RUNX1: variants seen among roughly 807,000 people sequenced by gnomAD.
RUNX1 encodes the protein RUNX family transcription factor 1.
In RUNX1, 19 loss-of-function variants were observed where a neutral mutation model predicts 42.8. The observed-to-expected ratio is 0.44, with a 90% CI of 0.31 to 0.65. RUNX1 has a LOEUF of 0.65. RUNX1 is among the 30% of genes least tolerant of loss of function. RUNX1 has a pLI of 0.07. For synonymous variants in RUNX1, 271 were observed against 289.4 expected, an observed-to-expected ratio of 0.94 and a Z score of 0.64; for missense variants, 528 against 672.0, an observed-to-expected ratio of 0.79 and a Z score of 2.37.
At chr21:34,981,593 G>A (rs999542163) in intron 2 of RUNX1, among the ~76,000 whole-genome samples, 1 of 152,150 alleles carries the variant, frequency 6.6e-6, no homozygotes, top group Non-Finnish European at 1.5e-5. Flanking sequence ...TATGGATTTA[G>A]TAATGACTAG....
chr21:34,903,737 C>T (rs899601911), intron 2 of RUNX1, among the ~76,000 whole-genome samples: 2 of 152,146 alleles, frequency 1.3e-5, no homozygotes, highest in African/African-American at 4.8e-5. Context: ...CATATTAATC[C>T]TGTTATCTTC....
At chr21:34,999,626 A>G (rs139794105) in intron 2 of RUNX1, among the ~76,000 whole-genome samples, 3 of 152,270 alleles carry the variant, frequency 2.0e-5, no homozygotes, top group East Asian at 1.9e-4. Context: ...CACACAATCT[A>G]GTGTTCGACA....
intron 6 of RUNX1, among the ~76,000 whole-genome samples, chr21:34,857,175 C>T (rs1352426178): frequency 1.3e-5 from 2 of 152,172 alleles, no homozygotes; most frequent in African/African-American, 2.4e-5. Flanking sequence ...TTTCCCCAGG[C>T]CCCAAATTCC....
chr21:34,805,711 A>G (rs191282512), intron 7 of RUNX1, among the ~76,000 whole-genome samples: 10 of 152,372 alleles, frequency 6.6e-5, no homozygotes, highest in African/African-American at 1.9e-4. Context: ...CCTATGAGAA[A>G]TGTCAAAAAG....
chr21:34,958,371 C>T (rs1222636609), intron 2 of RUNX1, among the ~76,000 whole-genome samples: 1 of 152,114 alleles, frequency 6.6e-6, no homozygotes, highest in Non-Finnish European at 1.5e-5. Context: ...CAAACAACCC[C>T]ATCAAAAAGT....
At chr21:34,908,972 A>T (rs2146515052) in intron 2 of RUNX1, among the ~76,000 whole-genome samples, 1 of 152,176 alleles carries the variant, frequency 6.6e-6, no homozygotes, top group Non-Finnish European at 1.5e-5. Context: ...TGTGTGTGCT[A>T]GGGGTAAGAT....
At chr21:34,863,550 CTTTTTTTT>C (rs34743281) in intron 5 of RUNX1, among the ~76,000 whole-genome samples, 26 of 109,136 alleles carry the variant, frequency 2.4e-4, no homozygotes, top group African/African-American at 9.1e-4. Flanking sequence ...TCATGCCCAT[CTTTTTTTT>C]TTTTTTTTTT....
At chr21:34,987,937 A>G (rs1176140481) in intron 2 of RUNX1, among the ~76,000 whole-genome samples, 1 of 152,236 alleles carries the variant, frequency 6.6e-6, no homozygotes, top group African/African-American at 2.4e-5. Flanking sequence ...GTGGCCTGAA[A>G]TCACGGAGAT....
In RUNX1 at chr21:34,790,502, T is replaced by G. The variant is rs888959042; in HGVS notation, c.*1633A>C. On this transcript the variant is annotated 3_prime_UTR_variant, in exon 9 of 9. Transcript: ENST00000675419. The stretch of plus-strand genomic sequence containing the variant: ...TATGAGTTGTACAACAACTGCATTC[T>G]GACCAAATCCTCCAATAAAAATAGT... 4 of 233,634 alleles carry G rather than the reference T, an allele frequency of 1.7e-5. No individual in the cohort carries two copies. Among genetic ancestry groups the G allele is most frequent in the African/African-American group, 8.8e-5 (4 of 45,370 alleles). The allele number at this position is 233,634 out of a possible 1,614,324, so 14.5% of individuals were successfully genotyped here. A position where few individuals can be genotyped will look rare whatever the true frequency, so the allele number is the denominator to read the frequency against.
At chr21:34,872,849 G>A (rs939792576) in intron 5 of RUNX1, among the ~76,000 whole-genome samples, 1 of 152,136 alleles carries the variant, frequency 6.6e-6, no homozygotes, top group Non-Finnish European at 1.5e-5. Flanking sequence ...AAAAATGTCT[G>A]CAGATATTGC....
At chr21:34,868,433 T>G (rs1209224410) in intron 5 of RUNX1, among the ~76,000 whole-genome samples, 3 of 152,178 alleles carry the variant, frequency 2.0e-5, no homozygotes, top group African/African-American at 7.2e-5. Context: ...CCAACGTGGA[T>G]GTTAAGGCAA....
chr21:34,858,068 G>A (rs2057520430), intron 6 of RUNX1, among the ~76,000 whole-genome samples: 2 of 152,230 alleles, frequency 1.3e-5, no homozygotes, highest in Admixed American at 6.5e-5. Context: ...AAAAGCAGAC[G>A]AGGAACACCA....
At chr21:34,953,616 A>T (rs8133613) in intron 2 of RUNX1, among the ~76,000 whole-genome samples, 8 of 152,222 alleles carry the variant, frequency 5.3e-5, no homozygotes, top group East Asian at 3.9e-4. Flanking sequence ...AATTACCATA[A>T]GAAAGAAATA....
At chr21:34,828,419 T>C (rs1185362974) in intron 7 of RUNX1, among the ~76,000 whole-genome samples, 1 of 152,236 alleles carries the variant, frequency 6.6e-6, no homozygotes, top group Admixed American at 6.5e-5. Flanking sequence ...TTTAAATGTT[T>C]CCTTGCATCT....
intron 7 of RUNX1, 33 bp downstream of exon 7, chr21:34,834,377 A>G (rs1158859856): frequency 1.2e-6 from 2 of 1,605,966 alleles, no homozygotes; most frequent in South Asian, 2.2e-5. Context: ...CAGGTGCAGG[A>G]GAGGCGGGCA....
At position 34,876,942 on chromosome 21, in the gene RUNX1, T is replaced by C. The variant is rs184986543; in HGVS notation, c.508+3615A>G. Among the ~76,000 whole-genome samples the C allele has an allele frequency of 4.3e-3, 656 of 152,260 alleles. 10 individuals carry two copies. The highest frequency in any genetic ancestry group is 0.015 in the African/African-American group (629 of 41,542). ...CGCAACCTCGGCTCACTGCAACCTC[T>C]ACCTCCTGGGTTCAAGCGATTCTCC... On this transcript the variant is annotated intron_variant, in intron 5 of 8. Transcript: ENST00000675419.
rs776703625 is a variant in RUNX1 at position 34,799,301 on chromosome 21, T to C, written c.967A>G (p.Thr323Ala). 12 of 1,614,060 alleles carry C rather than the reference T, an allele frequency of 7.4e-6. No homozygotes were observed. The South Asian group carries it at 8.8e-5, about 12-fold the overall frequency. ...LSAELSSRLS[T>A]APDLTAFSDP... is the part of the protein sequence containing the mutation. ...AAGAATGTGTTTTCAAGTGGCTTAC[T>C]TGAGAGTCGACTGGAAAGTTCTGCA... Residue 323 changes from threonine (T) to alanine (A), a missense_variant and splice_region_variant, in exon 8 of 9, where the codon ACG (threonine) becomes GCG (alanine). Thr to Ala is a moderately conservative substitution (Grantham distance 58). Coordinates refer to ENST00000675419, the MANE Select transcript of RUNX1 (RefSeq NM_001754.5).
intron 2 of RUNX1, among the ~76,000 whole-genome samples, chr21:34,928,833 C>T (rs1302814515): frequency 1.3e-5 from 2 of 152,122 alleles, no homozygotes; most frequent in Admixed American, 1.3e-4. Flanking sequence ...ATGGTTATCC[C>T]ATAATGACTA....
At chr21:34,866,686 G>A (rs2057667529) in intron 5 of RUNX1, among the ~76,000 whole-genome samples, 1 of 152,084 alleles carries the variant, frequency 6.6e-6, no homozygotes, top group African/African-American at 2.4e-5. Context: ...TTTCTGGACG[G>A]GATACAAATC....
Sources: allele counts gnomAD v4.1 joint callset (sites outside exome capture counted in the v4.1 genomes callset), GRCh38; gene constraint gnomAD v4.1.1; transcripts MANE v1.5; gene names NCBI Gene and HGNC (gene_info 2026-07-23, HGNC 2026-07-21).